Variants in TRPC7 observed in about 807,000 individuals in gnomAD.
TRPC7 encodes the protein transient receptor potential cation channel subfamily C member 7.
In TRPC7, 42 loss-of-function variants were observed where a neutral mutation model predicts 90.1. The observed-to-expected ratio is 0.47, with a 90% CI of 0.36 to 0.60. TRPC7 has a LOEUF of 0.60. Among genes scored for constraint, TRPC7 ranks in the 20% least tolerant of loss-of-function variants. TRPC7 has a pLI of 0.00. For synonymous variants in TRPC7, 451 were observed against 436.3 expected (o/e 1.03, Z -0.42); for missense variants, 955 against 1,112.3 (o/e 0.86, Z 2.01).
In TRPC7 at chr5:136,288,184, C is replaced by A. The variant is rs78877067; in HGVS notation, c.964-13347G>T. ...GAGGTCACACAGCCAGGATGTGAAC[C>A]CAGACACGCCTACTTCAGAGCTTGA... On this transcript the variant is annotated intron_variant, in intron 3 of 11. Coordinates refer to ENST00000513104, the MANE Select transcript of TRPC7 (RefSeq NM_020389.3). Among the ~76,000 whole-genome samples, 772 of 151,884 alleles carry A rather than the reference C, an allele frequency of 5.1e-3. 5 individuals are homozygous for A. Among genetic ancestry groups the A allele is most frequent in the African/African-American group, 0.018 (734 of 41,420 alleles).
At chr5:136,322,108 G>C (rs1759216665) in intron 2 of TRPC7, among the ~76,000 whole-genome samples, 2 of 151,920 alleles carry the variant, frequency 1.3e-5, no homozygotes, top group Admixed American at 1.3e-4. Context: ...TCTGCCTCCA[G>C]AATTCAAGCA....
chr5:136,286,120 C>T (rs182653079), intron 3 of TRPC7, among the ~76,000 whole-genome samples: 21 of 152,258 alleles, frequency 1.4e-4, no homozygotes, highest in Non-Finnish European at 1.6e-4. Flanking sequence ...TTATCGAATG[C>T]GCGAATTTAT....
chr5:136,264,311 T>C (rs774114132), intron 5 of TRPC7, among the ~76,000 whole-genome samples: 1 of 152,236 alleles, frequency 6.6e-6, no homozygotes, highest in African/African-American at 2.4e-5. Flanking sequence ...CAGAGTCTTC[T>C]ACCTGGGGTC....
chr5:136,340,721 C>T (rs1759820095), intron 2 of TRPC7, among the ~76,000 whole-genome samples: 1 of 151,680 alleles, frequency 6.6e-6, no homozygotes, highest in African/African-American at 2.4e-5. Flanking sequence ...GATAAAAAGA[C>T]AAGTTGAAAA....
intron 8 of TRPC7, among the ~76,000 whole-genome samples, chr5:136,230,916 C>G (rs1287496143): frequency 1.3e-5 from 2 of 152,212 alleles, no homozygotes; most frequent in Non-Finnish European, 2.9e-5. Flanking sequence ...CCTCACTGGA[C>G]TATGAGTTTC....
chr5:136,228,691 G>T (rs1156350395), intron 8 of TRPC7, among the ~76,000 whole-genome samples: 1 of 152,040 alleles, frequency 6.6e-6, no homozygotes, highest in African/African-American at 2.4e-5. Context: ...GACAGCAGGG[G>T]CTTAAGATCT....
At chr5:136,254,642 G>A (rs1756633797) in intron 5 of TRPC7, among the ~76,000 whole-genome samples, 1 of 152,156 alleles carries the variant, frequency 6.6e-6, no homozygotes, top group African/African-American at 2.4e-5. Flanking sequence ...GAGATATACA[G>A]GAGATTAGCA....
chr5:136,214,091 G>A (rs889353280), intron 11 of TRPC7: 5 of 155,862 alleles, frequency 3.2e-5, no homozygotes, highest in African/African-American at 1.2e-4. Context: ...ATGCAGCCGT[G>A]GTGGCCATGG....
At chr5:136,224,999 C>T (rs995457493) in intron 10 of TRPC7, among the ~76,000 whole-genome samples, 2 of 152,192 alleles carry the variant, frequency 1.3e-5, no homozygotes, top group African/African-American at 4.8e-5. Context: ...GTCACTATTA[C>T]CAGTTTGAGG....
chr5:136,225,211 A>C, intron 10 of TRPC7, 63 bp downstream of exon 10: 1 of 1,449,394 alleles, frequency 6.9e-7, no homozygotes, highest in Non-Finnish European at 9.6e-7. Context: ...CATGGGACTA[A>C]ATCTGTGTCT....
chr5:136,363,729 A>G (rs895446200), intron 1 of TRPC7, among the ~76,000 whole-genome samples: 9 of 152,216 alleles, frequency 5.9e-5, no homozygotes, highest in Admixed American at 1.3e-4. Context: ...TCTACCAAGT[A>G]ACATCATTTA....
intron 2 of TRPC7, among the ~76,000 whole-genome samples, chr5:136,322,485 AT>A (rs1221104441): frequency 6.6e-6 from 1 of 152,144 alleles, no homozygotes; most frequent in Non-Finnish European, 1.5e-5. Context: ...CAAATTATGA[AT>A]GTTCTAATGC....
chr5:136,257,189 T>A (rs562182489), intron 5 of TRPC7, among the ~76,000 whole-genome samples: 1 of 151,250 alleles, frequency 6.6e-6, no homozygotes, highest in Non-Finnish European at 1.5e-5. Context: ...TTCTTTCTTT[T>A]TTTTTTTTTT....
intron 7 of TRPC7, among the ~76,000 whole-genome samples, chr5:136,237,276 A>G (rs1756012874): frequency 6.6e-6 from 1 of 152,152 alleles, no homozygotes; most frequent in Non-Finnish European, 1.5e-5. Flanking sequence ...GGGCCACAGA[A>G]CTGATGCCAA....
intron 2 of TRPC7, among the ~76,000 whole-genome samples, chr5:136,327,067 C>T (rs550897278): frequency 2.0e-5 from 3 of 152,226 alleles, no homozygotes; most frequent in African/African-American, 4.8e-5. Context: ...CTCACATAGG[C>T]TCTCGATGAC....
chr5:136,332,736 T>C (rs1374305654), intron 2 of TRPC7, among the ~76,000 whole-genome samples: 1 of 152,228 alleles, frequency 6.6e-6, no homozygotes, highest in Non-Finnish European at 1.5e-5. Context: ...AGTTACTATT[T>C]GTAAAACATG....
rs531079990 is a variant in TRPC7 at position 136,278,123 on chromosome 5, C to A, written c.964-3286G>T. Among the ~76,000 whole-genome samples, 3 of 152,336 alleles carry A rather than the reference C, an allele frequency of 2.0e-5. No individual in the cohort carries two copies. In the East Asian group the frequency reaches 5.8e-4, roughly 29 times the overall value. On this transcript the variant is annotated intron_variant, in intron 3 of 11. Coordinates refer to ENST00000513104, the MANE Select transcript of TRPC7 (RefSeq NM_020389.3). The stretch of plus-strand genomic sequence containing the variant: ...TAGGAGGGGACACTGAGACAGAATT[C>A]TCTGGAATGGAAAGGCTGACTCTGC...
chr5:136,287,616 G>A (rs1020059989), intron 3 of TRPC7, among the ~76,000 whole-genome samples: 12 of 143,528 alleles, frequency 8.4e-5, no homozygotes, highest in African/African-American at 3.1e-4. Flanking sequence ...CAGGAGGAAC[G>A]GGTTAATTCT....
At chr5:136,232,739 GA>G (rs1755858263) in intron 7 of TRPC7, among the ~76,000 whole-genome samples, 1 of 152,178 alleles carries the variant, frequency 6.6e-6, no homozygotes, top group African/African-American at 2.4e-5. Flanking sequence ...ACCTAGAATC[GA>G]ATAAGAAAGC....
Sources: allele counts gnomAD v4.1 joint callset (sites outside exome capture counted in the v4.1 genomes callset), GRCh38; gene constraint gnomAD v4.1.1; transcripts MANE v1.5; gene names NCBI Gene and HGNC (gene_info 2026-07-23, HGNC 2026-07-21).